The following MDFIC2 variants were observed in gnomAD, a reference collection of about 807,000 sequenced individuals.
MDFIC2 encodes the protein myoD family inhibitor domain-containing protein 2.
chr3:70,263,862 A>G (rs1701890380), intron 2 of MDFIC2, among the ~76,000 whole-genome samples: 1 of 151,804 alleles, frequency 6.6e-6, no homozygotes, highest in Admixed American at 6.6e-5. Context: ...GGTGGAACTC[A>G]CTTTGTTTCC....
intron 2 of MDFIC2, among the ~76,000 whole-genome samples, chr3:70,297,330 G>A (rs2106698651): frequency 6.6e-6 from 1 of 152,186 alleles, no homozygotes; most frequent in South Asian, 2.1e-4. Context: ...GATAGAGATT[G>A]TGAGATGCTT....
chr3:70,300,350 C>T (rs1996817), intron 2 of MDFIC2, among the ~76,000 whole-genome samples: 72,655 of 151,832 alleles, frequency 0.48, 18,010 homozygotes, highest in Non-Finnish European at 0.55. Flanking sequence ...ATTATACAGA[C>T]GTTTATTATA....
chr3:70,263,023 A>T (rs1575609634), intron 2 of MDFIC2, among the ~76,000 whole-genome samples: 1 of 152,250 alleles, frequency 6.6e-6, no homozygotes, highest in East Asian at 1.9e-4. Flanking sequence ...CATTTCTCTA[A>T]AAATTTTATT....
At chr3:70,242,489 A>G (rs759530775) in intron 2 of MDFIC2, among the ~76,000 whole-genome samples, 8 of 152,286 alleles carry the variant, frequency 5.3e-5, no homozygotes, top group Non-Finnish European at 1.0e-4. Flanking sequence ...TTGGACAAGC[A>G]TGATAGCTTC....
intron 2 of MDFIC2, among the ~76,000 whole-genome samples, chr3:70,259,576 T>A (rs1338166796): frequency 6.6e-6 from 1 of 152,092 alleles, no homozygotes; most frequent in Non-Finnish European, 1.5e-5. Flanking sequence ...TGTGAAATAT[T>A]TTTAATTTAC....
intron 2 of MDFIC2, among the ~76,000 whole-genome samples, chr3:70,282,988 A>G (rs1219252346): frequency 6.6e-6 from 1 of 152,186 alleles, no homozygotes; most frequent in Non-Finnish European, 1.5e-5. Context: ...GAATAAGAAA[A>G]AAATGGAGCA....
chr3:70,203,654 G>A (rs935957691), intron 3 of MDFIC2, among the ~76,000 whole-genome samples: 1 of 152,120 alleles, frequency 6.6e-6, no homozygotes, highest in Non-Finnish European at 1.5e-5. Context: ...AATTTACAGT[G>A]TAGAAAATGT....
chr3:70,267,118 G>C (rs1241708836), intron 2 of MDFIC2, among the ~76,000 whole-genome samples: 1 of 152,180 alleles, frequency 6.6e-6, no homozygotes, highest in East Asian at 1.9e-4. Context: ...GGGTGGGAAG[G>C]AGAATAGGAA....
chr3:70,240,746 C>T (rs911128538), intron 2 of MDFIC2, among the ~76,000 whole-genome samples: 3 of 152,030 alleles, frequency 2.0e-5, no homozygotes, highest in South Asian at 4.1e-4. Flanking sequence ...TTATTCTGCA[C>T]GAGAAGACAG....
intron 2 of MDFIC2, among the ~76,000 whole-genome samples, chr3:70,232,655 C>T (rs574555195): frequency 1.6e-3 from 248 of 152,146 alleles, no homozygotes; most frequent in Non-Finnish European, 3.0e-3. Context: ...GCCTCAGCCT[C>T]CCAAAGTGCT....
chr3:70,218,589 A>C (rs1576159289), intron 2 of MDFIC2, among the ~76,000 whole-genome samples: 1 of 152,190 alleles, frequency 6.6e-6, no homozygotes, highest in Middle Eastern at 3.4e-3. Context: ...TTTTCCTCAG[A>C]GTTTCTATAG....
At chr3:70,284,826 T>G (rs1702126130) in intron 2 of MDFIC2, among the ~76,000 whole-genome samples, 1 of 152,068 alleles carries the variant, frequency 6.6e-6, no homozygotes, top group Non-Finnish European at 1.5e-5. Flanking sequence ...CATGAAATAG[T>G]CTGTATAACA....
intron 2 of MDFIC2, among the ~76,000 whole-genome samples, chr3:70,278,656 T>G (rs1202930204): frequency 1.3e-5 from 2 of 152,160 alleles, no homozygotes; most frequent in Admixed American, 6.5e-5. Context: ...ATGTCTTTTA[T>G]GTACAACTGA....
chr3:70,274,393 G>T (rs1263199197), intron 2 of MDFIC2, among the ~76,000 whole-genome samples: 1 of 152,088 alleles, frequency 6.6e-6, no homozygotes, highest in Non-Finnish European at 1.5e-5. Context: ...GTATGTGATA[G>T]AAATGAGCAC....
intron 2 of MDFIC2, among the ~76,000 whole-genome samples, chr3:70,305,936 C>T (rs1454419468): frequency 6.6e-6 from 1 of 152,002 alleles, no homozygotes; most frequent in Non-Finnish European, 1.5e-5. Context: ...GACCTCTAGG[C>T]TCTTTTCTAG....
At chr3:70,251,991 A>T (rs1036718932) in intron 2 of MDFIC2, among the ~76,000 whole-genome samples, 1 of 152,210 alleles carries the variant, frequency 6.6e-6, no homozygotes, top group Non-Finnish European at 1.5e-5. Flanking sequence ...CGTGTTAAGG[A>T]ACTAAAATTG....
intron 2 of MDFIC2, among the ~76,000 whole-genome samples, chr3:70,282,179 C>T (rs374260052): frequency 6.6e-6 from 1 of 152,206 alleles, no homozygotes; most frequent in East Asian, 1.9e-4. Flanking sequence ...TCCTGGGATG[C>T]AGTAATCAAA....
rs143670243 is a variant in MDFIC2, at chr3:70,245,100, C to G, written c.89-38310G>C. 6.2e-3 allele frequency among the ~76,000 whole-genome samples: 942 copies of G among 152,262 alleles called. 7 individuals carry two copies. The highest frequency in any genetic ancestry group is 0.021 in the African/African-American group (870 of 41,560). On this transcript the variant is annotated intron_variant, in intron 2 of 3. Coordinates refer to ENST00000567252, the MANE Select transcript of MDFIC2 (RefSeq NM_001364677.1). Reference sequence around the variant, plus strand: ...AAGAGGAGAAGTCATTACTAGAAACCTAAGCTCATTTCCTCTCCTTTAATA... The same window carrying G: ...AAGAGGAGAAGTCATTACTAGAAACGTAAGCTCATTTCCTCTCCTTTAATA...
At chr3:70,228,916 T>C (rs1701533831) in intron 2 of MDFIC2, among the ~76,000 whole-genome samples, 1 of 151,986 alleles carries the variant, frequency 6.6e-6, no homozygotes, top group African/African-American at 2.4e-5. Context: ...AGCTAAAAGG[T>C]GTGAGTTAGC....
Sources: allele counts gnomAD v4.1 joint callset (sites outside exome capture counted in the v4.1 genomes callset), GRCh38; gene constraint gnomAD v4.1.1; transcripts MANE v1.5; gene names NCBI Gene and HGNC (gene_info 2026-07-23, HGNC 2026-07-21).